ZMAT4: variants seen among roughly 807,000 people sequenced by gnomAD.
ZMAT4 encodes zinc finger matrin-type protein 4.
In ZMAT4, 17 loss-of-function variants were observed where a neutral mutation model predicts 28.7. That is an observed-to-expected ratio of 0.59 (90% confidence interval 0.41 to 0.89). The LOEUF (loss-of-function observed/expected upper bound fraction) is 0.89, where lower values mean the gene tolerates loss of function less well. Ranked by LOEUF, ZMAT4 falls within the 40% of genes least tolerant of loss-of-function variation. The pLI, the probability that ZMAT4 is intolerant of heterozygous loss-of-function variation, is 0.00. For missense variants in ZMAT4, 240 were observed against 283.8 expected (o/e 0.85, Z 1.11); for synonymous variants, 117 against 109.2 (o/e 1.07, Z -0.44).
At position 40,726,575 on chromosome 8, in the gene ZMAT4, C is replaced by A. The variant is rs184663203; in HGVS notation, c.193-29174G>T. On this transcript the variant is annotated intron_variant, in intron 3 of 6. Transcript: ENST00000297737. The stretch of plus-strand genomic sequence containing the variant: ...CCGTGTCCCCATCAACCTAGATTAG[C>A]TATAGTTGGACTGAATGTAATTTAG... 5.3e-5 allele frequency among the ~76,000 whole-genome samples: 8 copies of A among 152,318 alleles called. No individual in the cohort carries two copies. In the South Asian group the frequency reaches 1.7e-3, roughly 32 times the overall value.
intron 2 of ZMAT4, among the ~76,000 whole-genome samples, chr8:40,807,427 G>C (rs1175889405): frequency 6.6e-6 from 1 of 152,168 alleles, no homozygotes; most frequent in African/African-American, 2.4e-5. Flanking sequence ...CTGGGTGACA[G>C]AGCGAGACTC....
chr8:40,668,697 C>A (rs944054505), intron 5 of ZMAT4, among the ~76,000 whole-genome samples: 3 of 151,886 alleles, frequency 2.0e-5, no homozygotes, highest in African/African-American at 7.3e-5. Flanking sequence ...CTGCCCTTAT[C>A]TATAAAGCTG....
intron 2 of ZMAT4, among the ~76,000 whole-genome samples, chr8:40,781,604 T>C (rs1228962394): frequency 1.4e-5 from 2 of 148,130 alleles, no homozygotes; most frequent in Non-Finnish European, 3.0e-5. Context: ...CTACTAAAAA[T>C]ACAAAAAATT....
chr8:40,873,654 C>A (rs931250656), intron 1 of ZMAT4, among the ~76,000 whole-genome samples: 26 of 152,324 alleles, frequency 1.7e-4, no homozygotes, highest in African/African-American at 6.3e-4. Context: ...AGCCCCCACA[C>A]CTGCCTGCCA....
At chr8:40,652,708 AT>A (rs1296608243) in intron 5 of ZMAT4, among the ~76,000 whole-genome samples, 1 of 104,690 alleles carries the variant, frequency 9.6e-6, no homozygotes, top group African/African-American at 3.1e-5. Flanking sequence ...GATAGACTGG[AT>A]TAAGAAAATG....
intron 2 of ZMAT4, among the ~76,000 whole-genome samples, chr8:40,801,349 A>AT (rs1334146524): frequency 0.018 from 864 of 48,710 alleles, 5 homozygotes; most frequent in Non-Finnish European, 0.021. Flanking sequence ...TTTAAAAAAA[A>AT]AAATATATAT....
chr8:40,807,972 C>T (rs911336519), intron 2 of ZMAT4, among the ~76,000 whole-genome samples: 4 of 152,158 alleles, frequency 2.6e-5, no homozygotes, highest in African/African-American at 7.2e-5. Context: ...GTCTTGCCTT[C>T]CCAGTGCACA....
chr8:40,863,109 C>A, intron 1 of ZMAT4, among the ~76,000 whole-genome samples: 1 of 152,086 alleles, frequency 6.6e-6, no homozygotes, highest in East Asian at 1.9e-4. Flanking sequence ...GTGGCAAGAC[C>A]GGAGGCTGGA....
intron 1 of ZMAT4, among the ~76,000 whole-genome samples, chr8:40,840,936 A>G (rs1256141725): frequency 1.3e-5 from 2 of 152,126 alleles, no homozygotes; most frequent in Non-Finnish European, 2.9e-5. Flanking sequence ...GTTTCTTCCC[A>G]CACAGCCATT....
chr8:40,589,971 C>CCCTTCCTTCCTT lies in ZMAT4; in HGVS notation c.578-8722_578-8711dup, dbSNP rs1217316034. On this transcript the variant is annotated intron_variant, in intron 5 of 6. Transcript: ENST00000297737. The stretch of plus-strand genomic sequence containing the variant: ...TTCCTTCTTCCCTCCTTCCCTCCCT[C>CCCTTCCTTCCTT]CCTTCCTTCCTTCCTTCCTTCCTTC... 4.5e-3 allele frequency among the ~76,000 whole-genome samples: 130 copies of CCCTTCCTTCCTT among 28,780 alleles called. 7 individuals are homozygous for CCCTTCCTTCCTT. The highest frequency in any genetic ancestry group is 0.019 in the African/African-American group (110 of 5,942). The allele number at this position is 28,780 out of a possible 152,430, so 18.9% of individuals were successfully genotyped here.
chr8:40,566,676 T>C (rs1327553235), intron 6 of ZMAT4, among the ~76,000 whole-genome samples: 1 of 152,108 alleles, frequency 6.6e-6, no homozygotes, highest in East Asian at 1.9e-4. Flanking sequence ...CCCTACTCAG[T>C]TGCCTTGAAT....
intron 3 of ZMAT4, among the ~76,000 whole-genome samples, chr8:40,716,808 T>C (rs1001367193): frequency 1.3e-5 from 2 of 152,202 alleles, no homozygotes; most frequent in Non-Finnish European, 2.9e-5. Context: ...AAAGCAAGTC[T>C]CCTTGAGATA....
intron 3 of ZMAT4, among the ~76,000 whole-genome samples, chr8:40,707,754 A>G (rs1264521357): frequency 2.6e-5 from 4 of 152,198 alleles, no homozygotes; most frequent in African/African-American, 9.6e-5. Flanking sequence ...ATTGACTTAT[A>G]TTTGATGTTT....
At chr8:40,784,776 G>T (rs979084269) in intron 2 of ZMAT4, among the ~76,000 whole-genome samples, 5 of 152,132 alleles carry the variant, frequency 3.3e-5, no homozygotes, top group African/African-American at 1.2e-4. Context: ...CCTTTTCAGG[G>T]ATCCCCTGAG....
At chr8:40,837,409 G>T (rs1471749458) in intron 1 of ZMAT4, among the ~76,000 whole-genome samples, 1 of 152,140 alleles carries the variant, frequency 6.6e-6, no homozygotes, top group Non-Finnish European at 1.5e-5. Context: ...GTGTCAATGG[G>T]AACTAAACCT....
chr8:40,756,750 T>A (rs911979469), intron 3 of ZMAT4, among the ~76,000 whole-genome samples: 4 of 151,862 alleles, frequency 2.6e-5, no homozygotes, highest in African/African-American at 9.7e-5. Context: ...ACCATTGCTC[T>A]TAAATACAAG....
intron 3 of ZMAT4, among the ~76,000 whole-genome samples, chr8:40,732,898 T>C (rs547167137): frequency 2.2e-5 from 3 of 134,192 alleles, no homozygotes; most frequent in South Asian, 5.2e-4. Context: ...CAGGCTGGAA[T>C]GCAGTGGCAT....
chr8:40,544,111 A>G (rs1020551263), intron 6 of ZMAT4, among the ~76,000 whole-genome samples: 5 of 152,262 alleles, frequency 3.3e-5, no homozygotes, highest in African/African-American at 1.2e-4. Context: ...TCAACCTCAC[A>G]ACTCTGCCCT....
At chr8:40,878,817 G>A (rs79006509) in intron 1 of ZMAT4, among the ~76,000 whole-genome samples, 260 of 152,280 alleles carry the variant, frequency 1.7e-3, no homozygotes, top group African/African-American at 6.1e-3. Context: ...TGGGCCCATC[G>A]TCTCTGCTGA....
Sources: gnomAD v4.1 joint callset for allele counts (sites outside exome capture counted in the v4.1 genomes callset) on GRCh38, gnomAD v4.1.1 for gene constraint, MANE v1.5 for transcripts, NCBI Gene and HGNC (gene_info 2026-07-23, HGNC 2026-07-21) for gene names.